MYO15A: variants seen among roughly 807,000 people sequenced by gnomAD.
The protein encoded by MYO15A is unconventional myosin-XV.
In MYO15A, 308 loss-of-function variants were observed where a neutral mutation model predicts 394.6. The observed-to-expected ratio is 0.78, with a 90% confidence interval of 0.71 to 0.86. The LOEUF is 0.86. Among genes scored for constraint, MYO15A ranks in the 40% least tolerant of loss-of-function variants. The pLI is 0.00. For missense variants in MYO15A, 4,606 were observed against 4,799.1 expected (o/e 0.96, Z 1.19); for synonymous variants, 1,957 against 2,003.8 (o/e 0.98, Z 0.62).
At chr17:18,114,602 C>G (rs1246007215) in intron 1 of MYO15A, among the ~76,000 whole-genome samples, 1 of 152,122 alleles carries the variant, frequency 6.6e-6, no homozygotes, top group East Asian at 1.9e-4. Context: ...CTTCCCTTGC[C>G]CCTGCTACTG....
chr17:18,172,522 A>T, intron 64 of MYO15A: 1 of 636,508 alleles, frequency 1.6e-6, no homozygotes, highest in Admixed American at 2.4e-5. Context: ...GAGGTAAAAC[A>T]TACTCTATGC....
intron 51 of MYO15A, chr17:18,158,316 C>A: frequency 3.4e-6 from 2 of 587,362 alleles, no homozygotes; most frequent in South Asian, 4.0e-5. Context: ...CCAAGTGGGG[C>A]AGGGAGCCAG....
rs1272320895 is a variant in MYO15A at position 18,147,327 on chromosome 17, T to C, written c.6510-702T>C. ...GCCAGTCTTGTGACTCTGTGGCAGC[T>C]GACAGCAGGGTAAGGCCGTTGCTGG... On this transcript the variant is annotated intron_variant, in intron 30 of 65. Coordinates refer to ENST00000647165, the MANE Select transcript of MYO15A (RefSeq NM_016239.4). The surrounding 1 kb of genome is among the most constrained non-coding windows in gnomAD (Gnocchi z 4.4). Among the ~76,000 whole-genome samples, 1 of 152,218 alleles carries C rather than the reference T, an allele frequency of 6.6e-6. No individual in the cohort carries two copies. The highest frequency in any genetic ancestry group is 1.5e-5 in the Non-Finnish European group (1 of 68,040).
At position 18,119,732 on chromosome 17, in the gene MYO15A, A is replaced by C. The variant is rs759576870; in HGVS notation, c.932A>C (p.Asp311Ala). The change falls in exon 2 of 66, where the codon GAT becomes GCT. Residue 311 changes from aspartate to alanine, a missense_variant. Asp to Ala is a moderately radical substitution (Grantham distance 126, BLOSUM62 -2). Transcript: ENST00000647165. The part of the protein sequence containing the change: ...PGYTYGYGYD[D>A]YEPPYAPPSG... ...TACACCTACGGCTACGGCTACGACG[A>C]TTACGAACCCCCATATGCGCCCCCG... The C allele has an allele frequency of 1.9e-6, 3 of 1,612,498 alleles. No homozygotes were observed. Among genetic ancestry groups the C allele is most frequent in the Non-Finnish European group, 1.7e-6 (2 of 1,179,970 alleles).
Position 18,136,593 on chromosome 17 carries a change from G to A in MYO15A, c.4686G>A (p.Leu1562=). The change falls in exon 15 of 66, where the codon CTG becomes CTA. Residue 1562 remains leucine (L), a synonymous_variant. Coordinates refer to ENST00000647165, the MANE Select transcript of MYO15A (RefSeq NM_016239.4). ...RDAIAKVLYA[L]LFSWLITRVN... ...CCATCGCCAAGGTCTTGTATGCACT[G>A]CTGTTCAGCTGGCTCATCACCAGGG... is the stretch of plus-strand genomic sequence containing the variant. The A allele has an allele frequency of 6.2e-7, 1 of 1,614,014 alleles. No individual in the cohort carries two copies. Among genetic ancestry groups the A allele is most frequent in the Non-Finnish European group, 8.5e-7 (1 of 1,180,038 alleles).
chr17:18,166,218 G>A, intron 60 of MYO15A, 143 bp from the exon 61 acceptor site: 1 of 956,852 alleles, frequency 1.0e-6, no homozygotes, highest in Non-Finnish European at 1.6e-6. Flanking sequence ...TGAGGAAGCT[G>A]TGTCCCAGAA....
In MYO15A at chr17:18,153,305, GA is replaced by G. The variant is rs1466258757; in HGVS notation, c.7967-467del. 2 of 152,616 alleles carry G rather than the reference GA, an allele frequency of 1.3e-5. No homozygotes were observed. The highest frequency in any genetic ancestry group is 2.9e-5 in the Non-Finnish European group (2 of 68,328). The allele number at this position is 152,616 out of a possible 1,614,324, so 9.5% of individuals were successfully genotyped here. On this transcript the variant is annotated intron_variant, in intron 42 of 65. Transcript: ENST00000647165. The surrounding 1 kb of genome is among the most constrained non-coding windows in gnomAD (Gnocchi z 4.1). ...CAATAGGTGTTTTTATGTGTTGAAT[GA>G]AAGGCTGGGTCATATGTGACCCTTG...
At chr17:18,174,192 C>G (rs1038792544) in intron 65 of MYO15A, among the ~76,000 whole-genome samples, 2 of 152,158 alleles carry the variant, frequency 1.3e-5, no homozygotes, top group African/African-American at 4.8e-5. Flanking sequence ...TTCACCTGGG[C>G]TGAGATGTGG....
rs572234398 is a variant in MYO15A, at chr17:18,120,963, C to T, written c.2163C>T (p.Phe721=). 1.8e-4 allele frequency: 264 copies of T among 1,485,694 alleles called. 2 individuals carry two copies. The African/African-American group carries it at 3.3e-3, about 19-fold the overall frequency. The allele number at this position is 1,485,694 out of a possible 1,614,324, so 92.0% of individuals were successfully genotyped here. A position where few individuals can be genotyped will look rare whatever the true frequency, so the allele number is the denominator to read the frequency against. ...PPAPQASWWA[F]VEPPAVSPEV... ...CGCCGCAGGCCAGCTGGTGGGCCTTCGTGGAGCCCCCTGCCGTGAGCCCGG... is the reference window on the plus strand; with the variant it reads ...CGCCGCAGGCCAGCTGGTGGGCCTTTGTGGAGCCCCCTGCCGTGAGCCCGG... Residue 721 remains phenylalanine, a synonymous_variant, in exon 2 of 66, where the codon TTC becomes TTT. Coordinates refer to ENST00000647165, the MANE Select transcript of MYO15A (RefSeq NM_016239.4).
rs1160647626 is a variant in MYO15A, at chr17:18,148,263, G to A, written c.6691+53G>A. 6.2e-6 allele frequency: 10 copies of A among 1,606,474 alleles called. No homozygotes were observed. The East Asian group carries it at 2.2e-4, about 36-fold the overall frequency. The stretch of plus-strand genomic sequence containing the variant: ...GGGCAGTGGGAGTCAGCAGGGCCCA[G>A]TGAGCCCCGGGGATGGCAGAAGCCA... On this transcript the variant is annotated intron_variant, in intron 31 of 65. Transcript: ENST00000647165. The surrounding 1 kb of genome is among the most constrained non-coding windows in gnomAD (Gnocchi z 4.8).
chr17:18,111,050 G>A (rs918732471), intron 1 of MYO15A, among the ~76,000 whole-genome samples: 4 of 152,202 alleles, frequency 2.6e-5, no homozygotes, highest in Non-Finnish European at 5.9e-5. Context: ...CTTAAAGTCT[G>A]CATCCAGGAT....
At chr17:18,124,013 G>A (rs2045986540) in intron 2 of MYO15A, 1 of 234,824 alleles carries the variant, frequency 4.3e-6, no homozygotes, top group Non-Finnish European at 8.7e-6. Context: ...GGGTCCATAT[G>A]CAGGTGTCCA....
At chr17:18,131,183 A>C in intron 8 of MYO15A, 56 bp from the exon 9 acceptor site, 33 of 1,398,048 alleles carry the variant, frequency 2.4e-5, no homozygotes, top group East Asian at 4.6e-5. Context: ...CCCCCCACCC[A>C]GGCCCCCAGA....
rs1407033442 is a variant in MYO15A, at chr17:18,126,789, A to C, written c.3867-2A>C. On this transcript the variant is annotated splice_acceptor_variant, in intron 5 of 65. Coordinates refer to ENST00000647165, the MANE Select transcript of MYO15A (RefSeq NM_016239.4). LOFTEE classifies it high-confidence loss of function. ...GCCAGCTCTAATGACCTGTCTCCCC[A>C]GGCACCTCTTTGCTGTTGCAAATCT... The C allele has an allele frequency of 4.3e-6, 7 of 1,613,988 alleles. No individual in the cohort carries two copies. Among genetic ancestry groups the C allele is most frequent in the Non-Finnish European group, 5.9e-6 (7 of 1,180,020 alleles).
At chr17:18,162,333 C>T (rs545607052) in intron 57 of MYO15A, among the ~76,000 whole-genome samples, 6 of 152,260 alleles carry the variant, frequency 3.9e-5, no homozygotes, top group African/African-American at 1.2e-4. Flanking sequence ...GCCAAGGGGA[C>T]TATGGGCTAG....
At position 18,122,378 on chromosome 17, in the gene MYO15A, A is replaced by C; in HGVS notation, c.3578A>C (p.Glu1193Ala). Residue 1193 changes from glutamate (E) to alanine (A), a missense_variant, in exon 2 of 66, where the codon GAG (glutamate) becomes GCG (alanine). Coordinates refer to ENST00000647165, the MANE Select transcript of MYO15A (RefSeq NM_016239.4). ...AACLSLRGSW[E>A]EVGPPSWRNK... is the part of the protein sequence containing the mutation. ...TGCCTGTCCCTTAGGGGCTCCTGGG[A>C]GGAGGTCGGCCCGCCAAGCTGGCGG... The C allele has an allele frequency of 6.2e-7, 1 of 1,612,606 alleles. No homozygotes were observed. The highest frequency in any genetic ancestry group is 1.3e-5 in the African/African-American group (1 of 75,002).
chr17:18,159,166 T>G, intron 53 of MYO15A, 109 bp from the exon 54 acceptor site: 1 of 1,435,008 alleles, frequency 7.0e-7, no homozygotes, highest in East Asian at 2.4e-5. Flanking sequence ...CTGGCTCCCC[T>G]TTTGTGACGT....
intron 46 of MYO15A, 41 bp downstream of exon 46, chr17:18,155,266 C>A: frequency 6.2e-7 from 1 of 1,613,638 alleles, no homozygotes; most frequent in Non-Finnish European, 8.5e-7. Context: ...CCAGAGGATT[C>A]AGGGATGAGA....
chr17:18,120,431 G>A lies in MYO15A; in HGVS notation c.1631G>A (p.Arg544His), dbSNP rs780547562. Residue 544 changes from arginine (R) to histidine (H), a missense_variant, in exon 2 of 66, where the codon CGC becomes CAC. Coordinates refer to ENST00000647165, the MANE Select transcript of MYO15A (RefSeq NM_016239.4). ...ACGCCGCGCCAGCGCAACCTCCAGC[G>A]CGCGCTGTCGGCCTTCGGCGCCCAC... Reference protein sequence around the residue: ...FLTPRQRNLQRALSAFGAHRG... With the variant: ...FLTPRQRNLQHALSAFGAHRG... 18 of 1,592,494 alleles carry A rather than the reference G, an allele frequency of 1.1e-5. No homozygotes were observed. In the African/African-American group the frequency reaches 1.2e-4, roughly 11 times the overall value.
Sources: gnomAD v4.1 joint callset for allele counts (sites outside exome capture counted in the v4.1 genomes callset) on GRCh38, gnomAD v4.1.1 for gene constraint, Gnocchi (gnomAD v3.1) non-coding constraint, MANE v1.5 for transcripts, NCBI Gene and HGNC (gene_info 2026-07-23, HGNC 2026-07-21) for gene names.